SPRTN: variants seen among roughly 807,000 people sequenced by gnomAD.
SPRTN encodes DNA-dependent metalloprotease SPRTN.
Under a neutral mutation model 31.9 loss-of-function variants are expected in SPRTN, and 11 were observed. That is an observed-to-expected ratio of 0.34 (90% CI 0.22 to 0.57). SPRTN has a LOEUF of 0.57. Ranked by LOEUF, SPRTN falls within the 20% of genes least tolerant of loss-of-function variation. The pLI, the probability that SPRTN is intolerant of heterozygous loss-of-function variation, is 0.86. For missense variants in SPRTN, 482 were observed against 590.1 expected (o/e 0.82, Z 1.90); for synonymous variants, 185 against 212.1 (o/e 0.87, Z 1.11).
At chr1:231,340,882 T>C (rs553648081) in intron 2 of SPRTN, among the ~76,000 whole-genome samples, 47 of 152,078 alleles carry the variant, frequency 3.1e-4, no homozygotes, top group Non-Finnish European at 5.3e-4. Flanking sequence ...TAAAACATGC[T>C]TGGAGATGAG....
intron 2 of SPRTN, chr1:231,344,812 G>A (rs369776849): frequency 8.0e-6 from 2 of 250,580 alleles, no homozygotes; most frequent in Admixed American, 4.6e-5. Flanking sequence ...TGTTAATTTT[G>A]CACAGAAACT....
rs1572004487 is a variant in SPRTN at position 231,353,864 on chromosome 1, T to G, written c.*503T>G. 4.2e-6 allele frequency: 4 copies of G among 956,890 alleles called. No homozygotes were observed. Among genetic ancestry groups the G allele is most frequent in the Non-Finnish European group, 1.2e-6 (1 of 803,918 alleles). The allele number at this position is 956,890 out of a possible 1,614,324, so 59.3% of individuals were successfully genotyped here. A position where few individuals can be genotyped will look rare whatever the true frequency, so the allele number is the denominator to read the frequency against. On this transcript the variant is annotated 3_prime_UTR_variant, in exon 5 of 5. Coordinates refer to ENST00000295050, the MANE Select transcript of SPRTN (RefSeq NM_032018.7). Reference sequence around the variant, plus strand: ...TACTCAAATTGTATTATTTATTAATTTTTTTGTTTGCAAAATCTTAACAGG... The same window carrying G: ...TACTCAAATTGTATTATTTATTAATGTTTTTGTTTGCAAAATCTTAACAGG...
intron 2 of SPRTN, 71 bp from the exon 3 acceptor site, chr1:231,347,726 G>C: frequency 2.0e-6 from 3 of 1,516,494 alleles, no homozygotes; most frequent in Middle Eastern, 1.9e-4. Context: ...ACACCAGATA[G>C]AATAAGAAAA....
At chr1:231,348,948 T>C (rs1429688184) in intron 3 of SPRTN, among the ~76,000 whole-genome samples, 1 of 152,102 alleles carries the variant, frequency 6.6e-6, no homozygotes, top group Non-Finnish European at 1.5e-5. Flanking sequence ...TGATAGAAAA[T>C]GAACAGTGCT....
Position 231,354,956 on chromosome 1 carries a change from T to G in SPRTN, c.*1595T>G, listed in dbSNP as rs560354193. The G allele has an allele frequency of 7.8e-4, 732 of 938,386 alleles. 1 individual carries two copies. The highest frequency in any genetic ancestry group is 8.6e-4 in the Non-Finnish European group (680 of 787,200). The allele number at this position is 938,386 out of a possible 1,614,324, so 58.1% of individuals were successfully genotyped here. A position where few individuals can be genotyped will look rare whatever the true frequency, so the allele number is the denominator to read the frequency against. ...GCAGCCCTTTTCGTTTTAGACTGGT[T>G]GGCTGTTCACAAATTTTGATATTCC... On this transcript the variant is annotated 3_prime_UTR_variant, in exon 5 of 5. Transcript: ENST00000295050.
rs1308672752 is a variant in SPRTN, at chr1:231,354,040, A to G, written c.*679A>G. 9 of 966,530 alleles carry G rather than the reference A, an allele frequency of 9.3e-6. No homozygotes were observed. Among genetic ancestry groups the G allele is most frequent in the Non-Finnish European group, 1.1e-5 (9 of 812,840 alleles). 59.9% of individuals were successfully genotyped at this position (966,530 alleles called of 1,614,324 possible). On this transcript the variant is annotated 3_prime_UTR_variant, in exon 5 of 5. Transcript: ENST00000295050. Reference sequence around the variant, plus strand: ...TAACAAATAGCCACTATAATTCTGTAGGCCAAATTTTATATTGAGTTTAGC... The same window carrying G: ...TAACAAATAGCCACTATAATTCTGTGGGCCAAATTTTATATTGAGTTTAGC...
rs781582015 is a variant in SPRTN at position 231,353,056 on chromosome 1, G to A, written c.1165G>A (p.Ala389Thr). The A allele has an allele frequency of 3.7e-6, 6 of 1,614,126 alleles. No homozygotes were observed. The highest frequency in any genetic ancestry group is 5.1e-6 in the Non-Finnish European group (6 of 1,180,014). Residue 389 changes from alanine to threonine, a missense_variant, in exon 5 of 5, where the codon GCA becomes ACA. By Grantham distance (58) the Ala-to-Thr change is moderately conservative. This residue lies in a region of SPRTN where 325 missense variants were observed against 350.2 expected (regional missense o/e 0.93). Transcript: ENST00000295050. ...AAATTCTTCAAAAGTAACGGAATCA[G>A]CATCTGTGATGCCATCCCAGGATGT... Reference protein sequence around the residue: ...LRNSSKVTESASVMPSQDVSG... With the variant: ...LRNSSKVTESTSVMPSQDVSG...
Position 231,353,901 on chromosome 1 carries a change from C to G in SPRTN, c.*540C>G, listed in dbSNP as rs1454380940. On this transcript the variant is annotated 3_prime_UTR_variant, in exon 5 of 5. Coordinates refer to ENST00000295050, the MANE Select transcript of SPRTN (RefSeq NM_032018.7). ...AAAATCTTAACAGGAACTGTATTTTCTATATTTTAAAGAATTTTATTTGTC... is the reference window on the plus strand; with the variant it reads ...AAAATCTTAACAGGAACTGTATTTTGTATATTTTAAAGAATTTTATTTGTC... 2.1e-6 allele frequency: 2 copies of G among 946,164 alleles called. No individual in the cohort carries two copies. The highest frequency in any genetic ancestry group is 4.9e-5 in the South Asian group (1 of 20,492). 58.6% of individuals were successfully genotyped at this position (946,164 alleles called of 1,614,324 possible). A position where few individuals can be genotyped will look rare whatever the true frequency, so the allele number is the denominator to read the frequency against.
intron 2 of SPRTN, chr1:231,344,624 A>G (rs1686999574): frequency 4.6e-6 from 1 of 218,382 alleles, no homozygotes; most frequent in Non-Finnish European, 1.1e-5. Context: ...TCTGTTCAGC[A>G]TAATTTTATA....
At chr1:231,342,220 A>T (rs2102863293) in intron 2 of SPRTN, among the ~76,000 whole-genome samples, 1 of 152,362 alleles carries the variant, frequency 6.6e-6, no homozygotes, top group South Asian at 2.1e-4. Flanking sequence ...TTGCTTAATG[A>T]ATATGTATTG....
Position 231,353,226 on chromosome 1 carries a change from C to A in SPRTN, c.1335C>A (p.Ser445Arg), listed in dbSNP as rs531550374. ...GTACAACCACAGCTCAGAATTCCAGCAGTTCATCCAGTCAGAGCAAAATGG... is the reference window on the plus strand; with the variant it reads ...GTACAACCACAGCTCAGAATTCCAGAAGTTCATCCAGTCAGAGCAAAATGG... ...KYSTTTAQNS[S>R]SSSSQSKMVN... is the part of the protein sequence containing the mutation. The change falls in exon 5 of 5, where the codon AGC (serine) becomes AGA (arginine). Residue 445 changes from serine to arginine, a missense_variant. Physicochemically the swap from Ser to Arg is moderately radical, Grantham distance 110 (BLOSUM62 -1). Around this residue, in one of 2 missense-constraint regions of SPRTN, gnomAD observed 325 missense variants for 350.2 expected, o/e 0.93. Transcript: ENST00000295050. 6.2e-7 allele frequency: 1 copy of A among 1,614,112 alleles called. No homozygotes were observed. The highest frequency in any genetic ancestry group is 1.3e-5 in the African/African-American group (1 of 75,048).
intron 2 of SPRTN, among the ~76,000 whole-genome samples, chr1:231,345,124 T>C (rs1326293201): frequency 6.7e-6 from 1 of 149,760 alleles, no homozygotes; most frequent in South Asian, 2.1e-4. Flanking sequence ...TTTTCTTTTC[T>C]TTCTTTCTTT....
In SPRTN at chr1:231,351,355, C is replaced by A. The variant is rs143558208; in HGVS notation, c.502C>A (p.Arg168Ser). Reference sequence around the variant, plus strand: ...GGATGAGTATCGGCGACACTGGTGGCGCTGCAATGGGCCGTGCCAGCACAG... The same window carrying A: ...GGATGAGTATCGGCGACACTGGTGGAGCTGCAATGGGCCGTGCCAGCACAG... ...EVDEYRRHWW[R>S]CNGPCQHRPP... The change falls in exon 4 of 5, where the codon CGC becomes AGC. Residue 168 changes from arginine to serine, a missense_variant. Physicochemically the swap from Arg to Ser is moderately radical, Grantham distance 110 (BLOSUM62 -1). Transcript: ENST00000295050. The A allele has an allele frequency of 6.2e-7, 1 of 1,613,834 alleles. No homozygotes were observed. The highest frequency in any genetic ancestry group is 1.3e-5 in the African/African-American group (1 of 74,994).
chr1:231,351,439 T>C lies in SPRTN; in HGVS notation c.586T>C (p.Tyr196His). The C allele has an allele frequency of 1.9e-6, 3 of 1,614,150 alleles. No homozygotes were observed. The highest frequency in any genetic ancestry group is 2.5e-6 in the Non-Finnish European group (3 of 1,180,032). The change falls in exon 4 of 5, where the codon TAT becomes CAT. Residue 196 changes from tyrosine (Y) to histidine (H), a missense_variant. Physicochemically the swap from Tyr to His is moderately conservative, Grantham distance 83. Coordinates refer to ENST00000295050, the MANE Select transcript of SPRTN (RefSeq NM_032018.7). Reference protein sequence around the residue: ...ATNREPSAHDYWWAEHQKTCG... With the variant: ...ATNREPSAHDHWWAEHQKTCG... ...TAACAGGGAACCCTCTGCTCATGAC[T>C]ATTGGTGGGCTGAGCACCAGAAAAC...
At position 231,353,873 on chromosome 1, in the gene SPRTN, T is replaced by G; in HGVS notation, c.*512T>G. On this transcript the variant is annotated 3_prime_UTR_variant, in exon 5 of 5. Coordinates refer to ENST00000295050, the MANE Select transcript of SPRTN (RefSeq NM_032018.7). ...TGTATTATTTATTAATTTTTTTGTT[T>G]GCAAAATCTTAACAGGAACTGTATT... 1 of 950,772 alleles carries G rather than the reference T, an allele frequency of 1.1e-6. No homozygotes were observed. The highest frequency in any genetic ancestry group is 1.3e-6 in the Non-Finnish European group (1 of 798,276). The allele number at this position is 950,772 out of a possible 1,614,324, so 58.9% of individuals were successfully genotyped here.
rs774859021 is a variant in SPRTN at position 231,353,107 on chromosome 1, A to C, written c.1216A>C (p.Asn406His). 1.2e-6 allele frequency: 2 copies of C among 1,613,722 alleles called. No individual in the cohort carries two copies. Among genetic ancestry groups the C allele is most frequent in the Non-Finnish European group, 1.7e-6 (2 of 1,179,874 alleles). ...GAGTGGGTCTGAAGATACATTCCCA[A>C]ATAAACGACCTAGGCTAGAAGATAA... ...DVSGSEDTFP[N>H]KRPRLEDKTV... is the part of the protein sequence containing the mutation. Residue 406 changes from asparagine (N) to histidine (H), a missense_variant, in exon 5 of 5, where the codon AAT becomes CAT. Asn to His is a moderately conservative substitution (Grantham distance 68, BLOSUM62 1). This residue lies in a region of SPRTN where 325 missense variants were observed against 350.2 expected (regional missense o/e 0.93). Transcript: ENST00000295050.
Position 231,353,267 on chromosome 1 carries a change from G to T in SPRTN, c.1376G>T (p.Cys459Phe). Residue 459 changes from cysteine (C) to phenylalanine (F), a missense_variant, in exon 5 of 5, where the codon TGT becomes TTT. Coordinates refer to ENST00000295050, the MANE Select transcript of SPRTN (RefSeq NM_032018.7). ...AGCAAAATGGTTAATTGCCCAGTTT[G>T]TCAGAATGAAGTTCTGGAGTCTCAG... ...SQSKMVNCPVCQNEVLESQIN... is the reference protein window; with the variant it reads ...SQSKMVNCPVFQNEVLESQIN... The T allele has an allele frequency of 1.2e-6, 2 of 1,614,006 alleles. No homozygotes were observed. The highest frequency in any genetic ancestry group is 1.7e-6 in the Non-Finnish European group (2 of 1,179,960).
chr1:231,338,364 C>G lies in SPRTN; in HGVS notation c.-20C>G. 6.2e-7 allele frequency: 1 copy of G among 1,612,002 alleles called. No individual in the cohort carries two copies. The highest frequency in any genetic ancestry group is 1.7e-4 in the Middle Eastern group (1 of 5,750). The stretch of plus-strand genomic sequence containing the variant: ...GAGCCAGCCTGACGCCGGCGGACCC[C>G]GCCTGTGATCCTGGCAACGATGGAT... On this transcript the variant is annotated 5_prime_UTR_variant, in exon 1 of 5. Coordinates refer to ENST00000295050, the MANE Select transcript of SPRTN (RefSeq NM_032018.7).
intron 1 of SPRTN, chr1:231,339,453 C>T (rs769805805): frequency 3.5e-6 from 2 of 571,190 alleles, no homozygotes; most frequent in East Asian, 4.0e-5. Context: ...GCATCGTATT[C>T]CACTAGGTCC....
Sources: allele counts gnomAD v4.1 joint callset (sites outside exome capture counted in the v4.1 genomes callset), GRCh38; gene constraint gnomAD v4.1.1; regional missense constraint gnomAD v4.1.1; transcripts MANE v1.5; gene names NCBI Gene and HGNC (gene_info 2026-07-23, HGNC 2026-07-21).